Variants in LRCH3 observed in about 807,000 individuals in gnomAD.
LRCH3 encodes leucine rich repeats and calponin homology domain containing 3, also known as DISP complex protein LRCH3.
LRCH3 carries 68 observed loss-of-function variants against 104.5 expected under a neutral mutation model. That is an observed-to-expected ratio of 0.65 (90% CI 0.54 to 0.80). The LOEUF (loss-of-function observed/expected upper bound fraction) is 0.80. Ranked by LOEUF, LRCH3 falls within the 30% of genes least tolerant of loss-of-function variation. The pLI is 0.00. For missense variants in LRCH3, 951 were observed against 953.9 expected (o/e 1.00, Z 0.04); for synonymous variants, 344 against 361.3 (o/e 0.95, Z 0.54).
chr3:197,824,858 CTG>C (rs1734968107), intron 4 of LRCH3, among the ~76,000 whole-genome samples: 1 of 151,818 alleles, frequency 6.6e-6, no homozygotes, highest in African/African-American at 2.4e-5. Context: ...GCGTGAGCCA[CTG>C]CACCTGGCCT....
chr3:197,807,389 T>C (rs1732627746), intron 1 of LRCH3, among the ~76,000 whole-genome samples: 1 of 151,780 alleles, frequency 6.6e-6, no homozygotes, highest in Non-Finnish European at 1.5e-5. Context: ...GCTCATTTTT[T>C]TGTATTTCTT....
At chr3:197,817,123 T>G in intron 2 of LRCH3, 53 bp from the exon 3 acceptor site, 3 of 1,522,408 alleles carry the variant, frequency 2.0e-6, no homozygotes, top group Non-Finnish European at 2.7e-6. Context: ...AGAGAGAAAA[T>G]TTTTCTTCAG....
intron 9 of LRCH3, 133 bp from the exon 10 acceptor site, chr3:197,839,188 T>C: frequency 1.7e-6 from 1 of 603,378 alleles, no homozygotes; most frequent in Non-Finnish European, 2.9e-6. Context: ...AACTTAAAGT[T>C]TACATTTGAA....
At chr3:197,791,995 GA>G (rs1056642653) in intron 1 of LRCH3, among the ~76,000 whole-genome samples, 17 of 152,152 alleles carry the variant, frequency 1.1e-4, no homozygotes, top group Admixed American at 1.0e-3. Context: ...GAGTTTTTTC[GA>G]AAGAAGTGTT....
chr3:197,835,856 A>G (rs757124794), intron 9 of LRCH3, 34 bp downstream of exon 9: 13 of 1,601,732 alleles, frequency 8.1e-6, no homozygotes, highest in South Asian at 6.7e-5. Flanking sequence ...ATATGTTGCT[A>G]TCCCTTCATA....
At chr3:197,831,612 A>C (rs1174351543) in intron 7 of LRCH3, among the ~76,000 whole-genome samples, 1 of 151,976 alleles carries the variant, frequency 6.6e-6, no homozygotes, top group African/African-American at 2.4e-5. Flanking sequence ...TAGATATTTT[A>C]AATCTATATA....
intron 10 of LRCH3, among the ~76,000 whole-genome samples, chr3:197,841,565 G>T (rs1300560468): frequency 6.6e-6 from 1 of 152,056 alleles, no homozygotes; most frequent in Non-Finnish European, 1.5e-5. Context: ...TAATACAACA[G>T]CATTCACTAG....
At chr3:197,841,746 C>T (rs1737823650) in intron 10 of LRCH3, among the ~76,000 whole-genome samples, 1 of 152,098 alleles carries the variant, frequency 6.6e-6, no homozygotes, top group Non-Finnish European at 1.5e-5. Flanking sequence ...TGGTTATTTC[C>T]ATTGGAAGAG....
chr3:197,808,950 C>T (rs1192839853), intron 1 of LRCH3, among the ~76,000 whole-genome samples: 1 of 151,262 alleles, frequency 6.6e-6, no homozygotes, highest in Non-Finnish European at 1.5e-5. Flanking sequence ...TCCATGGTTT[C>T]TGATATGAAA....
chr3:197,875,723 G>A lies in LRCH3; in HGVS notation c.2156G>A (p.Arg719Lys), dbSNP rs977250180. ...CCTAAATTAACAATGGCGAAATGCA[G>A]GCGAAATGTGGAAAATTTCCTAGAA... ...AVPKLTMAKC[R>K]RNVENFLEAC... Residue 719 changes from arginine (R) to lysine (K), a missense_variant, in exon 20 of 21, where the codon AGG (arginine) becomes AAG (lysine). Physicochemically the swap from Arg to Lys is conservative, Grantham distance 26 (BLOSUM62 2). Coordinates refer to ENST00000425562, the MANE Select transcript of LRCH3 (RefSeq NM_001365715.1). 1.3e-6 allele frequency: 2 copies of A among 1,534,782 alleles called. No homozygotes were observed. The highest frequency in any genetic ancestry group is 1.9e-4 in the Middle Eastern group (1 of 5,260).
At chr3:197,812,504 G>GGTTTTTTTTTTTT (rs1733248663) in intron 1 of LRCH3, among the ~76,000 whole-genome samples, 1 of 48,956 alleles carries the variant, frequency 2.0e-5, no homozygotes, top group Non-Finnish European at 3.5e-5. Flanking sequence ...TCTGCTTTCA[G>GGTTTTTTTTTTTT]TTTTTTTTTT....
intron 12 of LRCH3, among the ~76,000 whole-genome samples, chr3:197,849,503 T>C (rs1580799784): frequency 6.6e-6 from 1 of 152,112 alleles, no homozygotes; most frequent in African/African-American, 2.4e-5. Context: ...TTCACACAAG[T>C]CATCTAATAC....
At chr3:197,858,708 A>C in intron 14 of LRCH3, 126 bp from the exon 15 acceptor site, 1 of 797,400 alleles carries the variant, frequency 1.3e-6, no homozygotes, top group Admixed American at 1.9e-5. Context: ...TCAGTAGCTT[A>C]GTAAACCATT....
chr3:197,793,213 A>T (rs1730828665), intron 1 of LRCH3, among the ~76,000 whole-genome samples: 1 of 152,260 alleles, frequency 6.6e-6, no homozygotes, highest in Non-Finnish European at 1.5e-5. Context: ...CAGAACTGTT[A>T]AACTAAAGAA....
chr3:197,813,620 T>C (rs976894522), intron 1 of LRCH3, among the ~76,000 whole-genome samples: 1 of 137,644 alleles, frequency 7.3e-6, no homozygotes, highest in East Asian at 2.4e-4. Context: ...AACCTCTGCC[T>C]CCCAGGTTCA....
chr3:197,829,721 T>C (rs759191342), intron 6 of LRCH3, 48 bp downstream of exon 6: 1 of 1,278,608 alleles, frequency 7.8e-7, no homozygotes, highest in Non-Finnish European at 1.1e-6. Flanking sequence ...GTACAGAGAA[T>C]CAAATAAAAT....
At chr3:197,876,470 C>T (rs1050829640) in intron 20 of LRCH3, 5 of 151,960 alleles carry the variant, frequency 3.3e-5, no homozygotes, top group African/African-American at 7.3e-5. Context: ...TTTATAGATG[C>T]GATTAAGGGA....
chr3:197,874,359 G>A (rs989893872), intron 19 of LRCH3, among the ~76,000 whole-genome samples: 4 of 152,302 alleles, frequency 2.6e-5, no homozygotes, highest in South Asian at 2.1e-4. Context: ...CTGCGCATGC[G>A]AGGAAGGGAT....
rs1419115725 is a variant in LRCH3, at chr3:197,884,341, G to C, written c.*675G>C. 1 of 152,338 alleles carries C rather than the reference G, an allele frequency of 6.6e-6. No homozygotes were observed. The highest frequency in any genetic ancestry group is 2.4e-5 in the African/African-American group (1 of 41,470). The allele number at this position is 152,338 out of a possible 1,614,324, so 9.4% of individuals were successfully genotyped here. ...GGCTAATTTTCTTGTATTTTTAGTA[G>C]AGATGGGATTTTGTCATGTTGGCCA... is the stretch of plus-strand genomic sequence containing the variant. On this transcript the variant is annotated 3_prime_UTR_variant, in exon 21 of 21. Transcript: ENST00000425562.
Sources: allele counts gnomAD v4.1 joint callset (sites outside exome capture counted in the v4.1 genomes callset), GRCh38; gene constraint gnomAD v4.1.1; transcripts MANE v1.5; gene names NCBI Gene and HGNC (gene_info 2026-07-23, HGNC 2026-07-21).